The following MAGI2 variants were observed in gnomAD, a reference collection of about 807,000 sequenced individuals.
The protein encoded by MAGI2 is membrane associated guanylate kinase, WW and PDZ domain containing 2.
A neutral mutation model predicts 133.3 loss-of-function variants in MAGI2; 35 were observed. That is an observed-to-expected ratio of 0.26 (90% CI 0.20 to 0.35). The LOEUF is 0.35. MAGI2 is among the 10% of genes least tolerant of loss of function. The pLI is 1.00. For synonymous variants in MAGI2, 729 were observed against 710.6 expected, an observed-to-expected ratio of 1.03 and a Z score of -0.41; for missense variants, 1,636 against 1,863.4, an observed-to-expected ratio of 0.88 and a Z score of 2.25.
chr7:78,865,046 G>A (rs1794441986), intron 2 of MAGI2, among the ~76,000 whole-genome samples: 1 of 152,168 alleles, frequency 6.6e-6, no homozygotes, highest in Non-Finnish European at 1.5e-5. Context: ...TCAGGGCCTA[G>A]TGCTGTCAGG....
intron 2 of MAGI2, among the ~76,000 whole-genome samples, chr7:78,855,151 G>A (rs1363595813): frequency 6.6e-6 from 1 of 152,038 alleles, no homozygotes; most frequent in Non-Finnish European, 1.5e-5. Context: ...CTGAAGTGCA[G>A]AGGTGGAATA....
intron 3 of MAGI2, among the ~76,000 whole-genome samples, chr7:78,543,658 C>G (rs1272535949): frequency 6.6e-6 from 1 of 152,140 alleles, no homozygotes; most frequent in South Asian, 2.1e-4. Context: ...ATTTCCTTCC[C>G]GTTACTTCAT....
chr7:78,203,835 T>C (rs1415298957), intron 10 of MAGI2, among the ~76,000 whole-genome samples: 1 of 152,234 alleles, frequency 6.6e-6, no homozygotes, highest in Non-Finnish European at 1.5e-5. Context: ...TTGGTCCTGA[T>C]GAAGACAGAA....
intron 2 of MAGI2, among the ~76,000 whole-genome samples, chr7:78,973,391 G>T (rs1803957004): frequency 6.6e-6 from 1 of 151,616 alleles, no homozygotes; most frequent in Admixed American, 6.6e-5. Flanking sequence ...TATCACAGAG[G>T]GACTTCTTTA....
chr7:78,813,089 G>A (rs1789216311), intron 2 of MAGI2, among the ~76,000 whole-genome samples: 1 of 152,202 alleles, frequency 6.6e-6, no homozygotes, highest in African/African-American at 2.4e-5. Context: ...GTAAACAGTG[G>A]CAGTCCCAGA....
At chr7:78,342,581 T>C (rs571496353) in intron 9 of MAGI2, among the ~76,000 whole-genome samples, 1 of 152,302 alleles carries the variant, frequency 6.6e-6, no homozygotes, top group African/African-American at 2.4e-5. Context: ...AATGATAGAC[T>C]GGATAAAGAA....
intron 2 of MAGI2, among the ~76,000 whole-genome samples, chr7:78,660,263 A>C (rs1251202083): frequency 6.6e-6 from 1 of 152,118 alleles, no homozygotes; most frequent in African/African-American, 2.4e-5. Context: ...CTAGAACTTA[A>C]AGTATAATAA....
intron 1 of MAGI2, among the ~76,000 whole-genome samples, chr7:79,212,534 T>C (rs538198499): frequency 3.9e-5 from 6 of 152,214 alleles, no homozygotes; most frequent in African/African-American, 1.4e-4. Flanking sequence ...CCATTTGTTG[T>C]TAATCTGATA....
Position 78,384,553 on chromosome 7 carries a change from T to C in MAGI2, c.1046-15340A>G, listed in dbSNP as rs180737362. 1.6e-3 allele frequency among the ~76,000 whole-genome samples: 245 copies of C among 152,292 alleles called. 1 individual carries two copies. Among genetic ancestry groups the C allele is most frequent in the Non-Finnish European group, 2.6e-3 (174 of 68,010 alleles). On this transcript the variant is annotated intron_variant, in intron 6 of 21. Transcript: ENST00000354212. The stretch of plus-strand genomic sequence containing the variant: ...ATTTAAATAATCCTAATGCAATAAA[T>C]CAGCAACACATTTATCAATTGAATG...
chr7:79,177,469 T>A (rs1178980560), intron 1 of MAGI2, among the ~76,000 whole-genome samples: 1 of 152,118 alleles, frequency 6.6e-6, no homozygotes, highest in African/African-American at 2.4e-5. Context: ...TATTTTCACA[T>A]GATAGTTTTC....
intron 2 of MAGI2, among the ~76,000 whole-genome samples, chr7:78,941,358 A>G (rs1485553471): frequency 1.3e-5 from 2 of 152,022 alleles, no homozygotes; most frequent in African/African-American, 4.8e-5. Flanking sequence ...TTTTGTATTT[A>G]TTTATTTTTG....
intron 3 of MAGI2, among the ~76,000 whole-genome samples, chr7:78,562,533 A>T (rs565609735): frequency 7.9e-5 from 12 of 152,236 alleles, no homozygotes; most frequent in Non-Finnish European, 1.5e-4. Flanking sequence ...GGCATCTGCT[A>T]TTTATAAACA....
intron 2 of MAGI2, among the ~76,000 whole-genome samples, chr7:78,950,559 C>T (rs1258606582): frequency 6.6e-6 from 1 of 152,118 alleles, no homozygotes; most frequent in Non-Finnish European, 1.5e-5. Flanking sequence ...GGAATAATCT[C>T]CTCCCTTTTC....
In MAGI2 at chr7:78,270,036, T is replaced by G. The variant is rs553736972; in HGVS notation, c.1409-13455A>C. Among the ~76,000 whole-genome samples the G allele has an allele frequency of 9.8e-4, 149 of 152,314 alleles. 1 individual carries two copies. Among genetic ancestry groups the G allele is most frequent in the African/African-American group, 3.3e-3 (136 of 41,566 alleles). ...ATTAAATAGGGAATCCTTTCCCCATTGCTTGTTTTTGTCAGGTTTGTCAGA... is the reference window on the plus strand; with the variant it reads ...ATTAAATAGGGAATCCTTTCCCCATGGCTTGTTTTTGTCAGGTTTGTCAGA... On this transcript the variant is annotated intron_variant, in intron 9 of 21. Transcript: ENST00000354212.
intron 6 of MAGI2, among the ~76,000 whole-genome samples, chr7:78,453,578 T>G (rs961438335): frequency 2.6e-5 from 4 of 152,184 alleles, no homozygotes; most frequent in Non-Finnish European, 2.9e-5. Flanking sequence ...CAAATGTCAC[T>G]TCACTTGAAA....
intron 1 of MAGI2, among the ~76,000 whole-genome samples, chr7:79,267,168 A>G (rs370959057): frequency 1.3e-5 from 2 of 152,112 alleles, no homozygotes; most frequent in African/African-American, 2.4e-5. Context: ...TTGTCAGCCA[A>G]TGGGGAGCTC....
intron 20 of MAGI2, among the ~76,000 whole-genome samples, chr7:78,104,464 C>T (rs1024876847): frequency 4.0e-5 from 6 of 151,850 alleles, no homozygotes; most frequent in South Asian, 2.1e-4. Flanking sequence ...CCTCGTCATC[C>T]GCCCGCCTCG....
At position 78,271,841 on chromosome 7, in the gene MAGI2, C is replaced by G. The variant is rs575745077; in HGVS notation, c.1409-15260G>C. ...TATTGAGTCTATTTGATTCTTCTCT[C>G]TTTTCTTATTAGTCTTGCTAGCAGT... On this transcript the variant is annotated intron_variant, in intron 9 of 21. Transcript: ENST00000354212. Among the ~76,000 whole-genome samples the G allele has an allele frequency of 8.7e-4, 133 of 152,136 alleles. 2 individuals carry two copies. In the South Asian group the frequency reaches 0.027, roughly 31 times the overall value.
intron 1 of MAGI2, among the ~76,000 whole-genome samples, chr7:79,328,532 GAC>G (rs1467425231): frequency 1.8e-4 from 28 of 152,150 alleles, no homozygotes; most frequent in African/African-American, 5.8e-4. Flanking sequence ...TAAAATTGAA[GAC>G]ATATTATGTA....
Sources: gnomAD v4.1 joint callset for allele counts (sites outside exome capture counted in the v4.1 genomes callset) on GRCh38, gnomAD v4.1.1 for gene constraint, MANE v1.5 for transcripts, NCBI Gene and HGNC (gene_info 2026-07-23, HGNC 2026-07-21) for gene names.